ELMO1: variants seen among roughly 807,000 people sequenced by gnomAD.
ELMO1 encodes the protein engulfment and cell motility 1, also known as engulfment and cell motility protein 1.
Under a neutral mutation model 98.9 loss-of-function variants are expected in ELMO1, and 26 were observed. The ratio of observed to expected loss-of-function variants is 0.26; its 90% confidence interval spans 0.19 to 0.36. ELMO1 has a LOEUF of 0.36. ELMO1 is among the 10% of genes least tolerant of loss of function. The probability of loss-of-function intolerance (pLI) is 1.00; values close to 1 mark genes in which losing one functional copy is unlikely to be tolerated. For synonymous variants in ELMO1, 346 were observed against 346.0 expected, an observed-to-expected ratio of 1.00 and a Z score of 0.00; for missense variants, 627 against 935.2, an observed-to-expected ratio of 0.67 and a Z score of 4.30.
chr7:37,312,608 C>T (rs1478915619), intron 4 of ELMO1, among the ~76,000 whole-genome samples: 1 of 151,998 alleles, frequency 6.6e-6, no homozygotes, highest in Non-Finnish European at 1.5e-5. Flanking sequence ...GATCTAAAGC[C>T]CTACATATTT....
chr7:37,033,429 T>G, intron 15 of ELMO1: 1 of 456,092 alleles, frequency 2.2e-6, no homozygotes, highest in Non-Finnish European at 4.4e-6. Context: ...AAACAAAGCT[T>G]TATTATCATA....
At chr7:36,909,386 G>T (rs1482232075) in intron 16 of ELMO1, among the ~76,000 whole-genome samples, 1 of 152,172 alleles carries the variant, frequency 6.6e-6, no homozygotes, top group African/African-American at 2.4e-5. Context: ...AATTTGCTGG[G>T]GGTAGAAGGG....
At chr7:37,261,133 A>AAC (rs10635163) in intron 5 of ELMO1, among the ~76,000 whole-genome samples, 59,259 of 151,970 alleles carry the variant, frequency 0.39, 12,399 homozygotes, top group African/African-American at 0.55. Context: ...AAAAATAGCC[A>AAC]AGTTTCCTAG....
At chr7:37,340,395 G>A (rs143263455) in intron 2 of ELMO1, among the ~76,000 whole-genome samples, 12 of 152,252 alleles carry the variant, frequency 7.9e-5, no homozygotes, top group Admixed American at 2.0e-4. Flanking sequence ...GTTTAAAATT[G>A]TATCAACATA....
At chr7:37,386,834 G>A (rs1265198173) in intron 1 of ELMO1, among the ~76,000 whole-genome samples, 1 of 152,148 alleles carries the variant, frequency 6.6e-6, no homozygotes, top group Non-Finnish European at 1.5e-5. Flanking sequence ...CCCTGCACAC[G>A]GCCTGGTGTC....
intron 1 of ELMO1, among the ~76,000 whole-genome samples, chr7:37,416,747 TTC>T (rs541617972): frequency 1.2e-3 from 181 of 152,348 alleles, no homozygotes; most frequent in African/African-American, 4.2e-3. Context: ...GTTCATTTAT[TTC>T]TGTTATAGGT....
intron 16 of ELMO1, among the ~76,000 whole-genome samples, chr7:36,917,363 A>C (rs549477627): frequency 1.3e-5 from 2 of 152,348 alleles, no homozygotes; most frequent in East Asian, 3.9e-4. Context: ...TTTTATTCAA[A>C]AAAGAAATTA....
intron 13 of ELMO1, among the ~76,000 whole-genome samples, chr7:37,176,992 T>A (rs1563057811): frequency 6.6e-6 from 1 of 152,228 alleles, no homozygotes; most frequent in African/African-American, 2.4e-5. Context: ...TGTAGATGTA[T>A]CTTCCAGTGG....
intron 14 of ELMO1, among the ~76,000 whole-genome samples, chr7:37,100,184 G>A (rs758734782): frequency 5.9e-5 from 9 of 152,290 alleles, no homozygotes; most frequent in Non-Finnish European, 1.2e-4. Context: ...AAGCTAAGGG[G>A]ACTTTGGTCA....
chr7:37,415,595 A>C (rs1804180737), intron 1 of ELMO1, among the ~76,000 whole-genome samples: 2 of 152,238 alleles, frequency 1.3e-5, no homozygotes, highest in Non-Finnish European at 2.9e-5. Flanking sequence ...AATTCATATA[A>C]AGCAGGCAGC....
At chr7:36,884,075 A>AAGTGCCTTGC (rs1221958849) in intron 18 of ELMO1, among the ~76,000 whole-genome samples, 3 of 152,132 alleles carry the variant, frequency 2.0e-5, no homozygotes, top group Admixed American at 6.5e-5. Context: ...TAATCCCAGC[A>AAGTGCCTTGC]CTTTGGGAGG....
intron 2 of ELMO1, among the ~76,000 whole-genome samples, 192 bp from the exon 3 acceptor site, chr7:37,316,152 G>T (rs1327016202): frequency 6.6e-6 from 1 of 152,148 alleles, no homozygotes; most frequent in Non-Finnish European, 1.5e-5. Flanking sequence ...ATTTATTAAT[G>T]ATTTATTACC....
At chr7:36,863,578 C>T (rs571839011) in intron 20 of ELMO1, among the ~76,000 whole-genome samples, 17 of 152,196 alleles carry the variant, frequency 1.1e-4, no homozygotes, top group Non-Finnish European at 2.2e-4. Flanking sequence ...ACTAACCTCT[C>T]CCTCTTTTGG....
chr7:37,316,036 T>A (rs1328647962), intron 2 of ELMO1, 76 bp from the exon 3 acceptor site: 2 of 1,153,264 alleles, frequency 1.7e-6, no homozygotes, highest in Admixed American at 2.2e-5. Context: ...AGAAGCTTCA[T>A]AAAAAGATTA....
chr7:37,210,249 C>T (rs1005527439), intron 13 of ELMO1, among the ~76,000 whole-genome samples: 3 of 151,968 alleles, frequency 2.0e-5, no homozygotes, highest in Non-Finnish European at 4.4e-5. Context: ...ACATTCTGGG[C>T]TGTAAGATAT....
At chr7:37,408,349 T>G (rs891970777) in intron 1 of ELMO1, among the ~76,000 whole-genome samples, 2 of 152,174 alleles carry the variant, frequency 1.3e-5, no homozygotes, top group Non-Finnish European at 2.9e-5. Context: ...GGAAAAAAGA[T>G]GACAAAGAAC....
chr7:36,901,701 T>A (rs1000889932), intron 16 of ELMO1, among the ~76,000 whole-genome samples: 16 of 152,166 alleles, frequency 1.1e-4, no homozygotes, highest in East Asian at 3.9e-4. Context: ...ATCTATAAAG[T>A]AGCGGTAATA....
chr7:37,151,563 C>T (rs922024752), intron 13 of ELMO1, among the ~76,000 whole-genome samples: 6 of 152,064 alleles, frequency 3.9e-5, no homozygotes, highest in African/African-American at 7.2e-5. Context: ...CCATTTTTGA[C>T]GTACAAAAAT....
At chr7:36,933,631 C>T (rs78835752) in intron 16 of ELMO1, among the ~76,000 whole-genome samples, 3,054 of 152,250 alleles carry the variant, frequency 0.02, 38 homozygotes, top group Non-Finnish European at 0.032. Flanking sequence ...TAAGAGGCTC[C>T]GTCTCTGTGG....
Sources: gnomAD v4.1 joint callset for allele counts (sites outside exome capture counted in the v4.1 genomes callset) on GRCh38, gnomAD v4.1.1 for gene constraint, MANE v1.5 for transcripts, NCBI Gene and HGNC (gene_info 2026-07-23, HGNC 2026-07-21) for gene names.